TXLNG: variants seen among roughly 807,000 people sequenced by gnomAD.
TXLNG encodes the protein taxilin gamma.
A neutral mutation model predicts 38.8 loss-of-function variants in TXLNG; 5 were observed. That is an observed-to-expected ratio of 0.13 (90% confidence interval 0.07 to 0.27). The LOEUF (loss-of-function observed/expected upper bound fraction) is 0.27, where lower values mean the gene tolerates loss of function less well. Ranked by LOEUF, TXLNG falls within the 10% of genes least tolerant of loss-of-function variation. The pLI, the probability that TXLNG is intolerant of heterozygous loss-of-function variation, is 1.00. For synonymous variants in TXLNG, 182 were observed against 158.2 expected (o/e 1.15, Z -1.13); for missense variants, 393 against 398.2 (o/e 0.99, Z 0.11).
chrX:16,797,281 CAAAA>C (rs199860750), intron 1 of TXLNG, among the ~76,000 whole-genome samples: 3 of 85,506 alleles, frequency 3.5e-5, no homozygotes, highest in Non-Finnish European at 2.3e-5. Context: ...AAGACTGTCT[CAAAA>C]AAAAAAAAAA....
At position 16,827,365 on chromosome X, in the gene TXLNG, ACT is replaced by A. The variant is rs757104446; in HGVS notation, c.499-728_499-727del. ...AATTCGGGACATGCCTGGCTTTAGC[ACT>A]GAGTCACTCCTGGCCTTCAACATTG... On this transcript the variant is annotated intron_variant, in intron 3 of 9. Coordinates refer to ENST00000380122, the MANE Select transcript of TXLNG (RefSeq NM_018360.3). Among the ~76,000 whole-genome samples the A allele has an allele frequency of 1.1e-4, 12 of 111,700 alleles. No homozygotes were observed. In the South Asian group the frequency reaches 1.9e-3, roughly 17 times the overall value.
chrX:16,827,167 T>G (rs1419990954), intron 3 of TXLNG, among the ~76,000 whole-genome samples: 1 of 111,151 alleles, frequency 9.0e-6, no homozygotes, highest in Non-Finnish European at 1.9e-5. Flanking sequence ...AGGTGGAGGC[T>G]GCAGTGAGCC....
intron 1 of TXLNG, among the ~76,000 whole-genome samples, chrX:16,811,966 G>T (rs2147474609): frequency 9.1e-6 from 1 of 109,295 alleles, no homozygotes; most frequent in South Asian, 3.9e-4. Context: ...TCTTTTTGCT[G>T]TATAGTGGTA....
In TXLNG at chrX:16,841,814, T is replaced by C. The variant is rs180815962; in HGVS notation, c.*48T>C. On this transcript the variant is annotated 3_prime_UTR_variant, in exon 10 of 10. Coordinates refer to ENST00000380122, the MANE Select transcript of TXLNG (RefSeq NM_018360.3). ...GAGAGATATATTTTGTGTATAACTT[T>C]CTCTGTTAGTAGTTAACTATTGGTT... 7.2e-6 allele frequency: 8 copies of C among 1,116,309 alleles called. No individual in the cohort carries two copies. The highest frequency in any genetic ancestry group is 9.6e-6 in the Non-Finnish European group (8 of 833,341). The allele number at this position is 1,116,309 out of a possible 1,213,427, so 92.0% of individuals were successfully genotyped here. A position where few individuals can be genotyped will look rare whatever the true frequency, so the allele number is the denominator to read the frequency against.
At chrX:16,822,982 G>A (rs1465721838) in intron 3 of TXLNG, among the ~76,000 whole-genome samples, 1 of 111,526 alleles carries the variant, frequency 9.0e-6, no homozygotes, top group Non-Finnish European at 1.9e-5. Flanking sequence ...TTATTGTTTT[G>A]ATTGTGGATA....
chrX:16,818,984 A>T (rs374791481), intron 2 of TXLNG, 107 bp downstream of exon 2: 2 of 859,374 alleles, frequency 2.3e-6, no homozygotes, highest in Non-Finnish European at 3.2e-6. Context: ...TGCTTAGCCA[A>T]CACCCCTAGT....
At chrX:16,837,825 TG>T (rs1192922924) in intron 8 of TXLNG, 140 bp downstream of exon 8, 6 of 406,692 alleles carry the variant, frequency 1.5e-5, no homozygotes, top group Non-Finnish European at 2.0e-5. Context: ...GTGGCATTTT[TG>T]GTCATTTTGC....
chrX:16,829,784 G>A lies in TXLNG; in HGVS notation c.864+14G>A, dbSNP rs914836126. 1 of 1,194,857 alleles carries A rather than the reference G, an allele frequency of 8.4e-7. No individual in the cohort carries two copies. The highest frequency in any genetic ancestry group is 2.2e-5 in the Admixed American group (1 of 44,660). ...CTGAGGGAAGAGGTAATGGCATTTG[G>A]TTTATTTAAACGGCTTCTCAAGATT... On this transcript the variant is annotated intron_variant, in intron 5 of 9. Transcript: ENST00000380122.
chrX:16,807,489 C>T (rs188256129), intron 1 of TXLNG, among the ~76,000 whole-genome samples: 2 of 111,007 alleles, frequency 1.8e-5, no homozygotes, highest in Admixed American at 9.7e-5. Flanking sequence ...TGATTTTGAG[C>T]GAGTTACTTA....
intron 1 of TXLNG, among the ~76,000 whole-genome samples, chrX:16,799,024 C>T (rs1927985233): frequency 9.0e-6 from 1 of 110,500 alleles, no homozygotes. Flanking sequence ...GGATTACAGG[C>T]ATGCGCCACC....
chrX:16,789,647 T>C (rs1378848240), intron 1 of TXLNG, among the ~76,000 whole-genome samples: 1 of 105,192 alleles, frequency 9.5e-6, no homozygotes, highest in Non-Finnish European at 1.9e-5. Flanking sequence ...TCGTTTTACT[T>C]CCTAAATCCC....
intron 8 of TXLNG, among the ~76,000 whole-genome samples, chrX:16,837,958 CTGTTTTTTGTT>C (rs1929652125): frequency 9.0e-6 from 1 of 111,581 alleles, no homozygotes; most frequent in South Asian, 3.7e-4. Context: ...TGGTGTGTTG[CTGTTTTTTGTT>C]TGTTTTAACC....
Position 16,828,284 on chromosome X carries a change from T to A in TXLNG, c.669+20T>A, listed in dbSNP as rs1265331201. On this transcript the variant is annotated intron_variant, in intron 4 of 9. Transcript: ENST00000380122. The stretch of plus-strand genomic sequence containing the variant: ...TTAAAGGTTAGTTGCTTCATTTGTC[T>A]GTTTTTTTCAGGAGGGACTTATCTG... 8.5e-7 allele frequency: 1 copy of A among 1,177,770 alleles called. No homozygotes were observed. Among genetic ancestry groups the A allele is most frequent in the Non-Finnish European group, 1.1e-6 (1 of 874,730 alleles).
chrX:16,816,541 C>A (rs1284886018), intron 1 of TXLNG, among the ~76,000 whole-genome samples: 3 of 112,244 alleles, frequency 2.7e-5, no homozygotes, highest in Non-Finnish European at 5.6e-5. Flanking sequence ...GAATATGATA[C>A]ATATGGAAGT....
chrX:16,835,738 T>C (rs1569272616), intron 7 of TXLNG, among the ~76,000 whole-genome samples: 2 of 112,262 alleles, frequency 1.8e-5, no homozygotes. Context: ...ACCTCTTGTT[T>C]TCCTCTAAAT....
Position 16,841,788 on chromosome X carries a change from T to G in TXLNG, c.*22T>G, listed in dbSNP as rs375328504. Reference sequence around the variant, plus strand: ...CTAAGATGAGGTGTGATCACTGTATTGAGAGATATATTTTGTGTATAACTT... The same window carrying G: ...CTAAGATGAGGTGTGATCACTGTATGGAGAGATATATTTTGTGTATAACTT... On this transcript the variant is annotated 3_prime_UTR_variant, in exon 10 of 10. Coordinates refer to ENST00000380122, the MANE Select transcript of TXLNG (RefSeq NM_018360.3). 1,133 of 1,168,059 alleles carry G rather than the reference T, an allele frequency of 9.7e-4. No homozygotes were observed. The highest frequency in any genetic ancestry group is 1.2e-3 in the Non-Finnish European group (1,048 of 869,542).
At chrX:16,828,412 A>C (rs1400320333) in intron 4 of TXLNG, 148 bp downstream of exon 4, 4 of 561,554 alleles carry the variant, frequency 7.1e-6, no homozygotes, top group Admixed American at 4.3e-5. Flanking sequence ...GCCTTGTGTG[A>C]GGTCATTGTA....
chrX:16,825,962 TATTAA>T (rs1310820358), intron 3 of TXLNG, among the ~76,000 whole-genome samples: 2 of 112,396 alleles, frequency 1.8e-5, no homozygotes, highest in Non-Finnish European at 3.7e-5. Context: ...ACATGTGGCT[TATTAA>T]ATTAGTGTAA....
intron 3 of TXLNG, among the ~76,000 whole-genome samples, chrX:16,826,309 GTTTTTA>G (rs1427851483): frequency 8.9e-6 from 1 of 112,067 alleles, no homozygotes; most frequent in Admixed American, 9.5e-5. Flanking sequence ...CAGTAAAGGT[GTTTTTA>G]ATATCTGTAA....
Sources: gnomAD v4.1 joint callset for allele counts (sites outside exome capture counted in the v4.1 genomes callset) on GRCh38, gnomAD v4.1.1 for gene constraint, MANE v1.5 for transcripts, NCBI Gene and HGNC (gene_info 2026-07-23, HGNC 2026-07-21) for gene names.